The following HPR variants were observed in gnomAD, a reference collection of about 807,000 sequenced individuals.
HPR encodes the protein haptoglobin-related protein.
A neutral mutation model predicts 18.5 loss-of-function variants in HPR; 17 were observed. That is an observed-to-expected ratio of 0.92 (90% CI 0.63 to 1.38). The LOEUF (loss-of-function observed/expected upper bound fraction) is 1.38. Ranked by LOEUF, HPR falls within the 40% of genes most tolerant of loss-of-function variation. The pLI is 0.00. For synonymous variants in HPR, 176 were observed against 165.0 expected (o/e 1.07, Z -0.51); for missense variants, 457 against 432.4 (o/e 1.06, Z -0.51).
intron 4 of HPR, 146 bp downstream of exon 4, chr16:72,075,365 G>C (rs1173989965): frequency 1.5e-5 from 14 of 940,538 alleles, no homozygotes; most frequent in Admixed American, 1.1e-4. Context: ...GCCAGGGAGA[G>C]ACTTAAGCAG....
At chr16:72,074,661 G>A in intron 3 of HPR, 1 of 709,264 alleles carries the variant, frequency 1.4e-6, no homozygotes, top group Non-Finnish European at 2.6e-6. Context: ...CAGCAGATGT[G>A]GGAAAAGAAG....
intron 1 of HPR, among the ~76,000 whole-genome samples, chr16:72,069,662 T>A (rs1056208460): frequency 6.6e-5 from 10 of 152,308 alleles, no homozygotes; most frequent in African/African-American, 2.4e-4. Flanking sequence ...TATGGATGTA[T>A]AAGAATTTAC....
chr16:72,070,579 C>G (rs1421700170), intron 1 of HPR, among the ~76,000 whole-genome samples: 1 of 152,188 alleles, frequency 6.6e-6, no homozygotes, highest in Admixed American at 6.5e-5. Flanking sequence ...CCAGGGCTCA[C>G]CCCAACCAAA....
At position 72,074,371 on chromosome 16, in the gene HPR, G is replaced by A. The variant is rs182745400; in HGVS notation, c.179G>A (p.Arg60His). ...RYQCKNYYRL[R>H]TEGDGVYTLN... is the part of the protein sequence containing the mutation. ...CAGTGTAAGAACTACTACAGACTGC[G>A]CACAGAAGGAGATGGTAAGACCTGG... Residue 60 changes from arginine to histidine, a missense_variant, in exon 3 of 5, where the codon CGC becomes CAC. Transcript: ENST00000540303. 61 of 1,612,180 alleles carry A rather than the reference G, an allele frequency of 3.8e-5. No individual in the cohort carries two copies. Among genetic ancestry groups the A allele is most frequent in the African/African-American group, 2.0e-4 (15 of 75,000 alleles).
chr16:72,064,477 T>G (rs1198931294), intron 1 of HPR, among the ~76,000 whole-genome samples: 4 of 152,064 alleles, frequency 2.6e-5, no homozygotes, highest in African/African-American at 9.7e-5. Context: ...CAATAGCCTC[T>G]CCCACCAAAA....
intron 1 of HPR, among the ~76,000 whole-genome samples, chr16:72,071,159 ACT>A (rs1463493291): frequency 2.0e-5 from 3 of 152,064 alleles, no homozygotes; most frequent in Non-Finnish European, 4.4e-5. Flanking sequence ...GGAATCTAAC[ACT>A]CTCTCCAAGT....
intron 3 of HPR, chr16:72,074,869 C>T: frequency 1.5e-6 from 1 of 657,398 alleles, no homozygotes; most frequent in South Asian, 1.9e-5. Flanking sequence ...CTGTAAGAGG[C>T]AGAGTCAGGA....
chr16:72,067,666 C>A (rs2041612310), intron 1 of HPR, among the ~76,000 whole-genome samples: 1 of 152,168 alleles, frequency 6.6e-6, no homozygotes, highest in Non-Finnish European at 1.5e-5. Context: ...GAGGAGGAAG[C>A]AATTCCCCAT....
At chr16:72,072,095 G>T (rs2041663386) in intron 1 of HPR, among the ~76,000 whole-genome samples, 1 of 151,516 alleles carries the variant, frequency 6.6e-6, no homozygotes, top group East Asian at 1.9e-4. Flanking sequence ...CACAACTTCT[G>T]CCTCCTGGGT....
intron 1 of HPR, among the ~76,000 whole-genome samples, chr16:72,066,949 T>C (rs1486429935): frequency 2.6e-5 from 4 of 152,070 alleles, no homozygotes; most frequent in Admixed American, 6.6e-5. Context: ...CCAAACCCAG[T>C]TTAGAGAAAC....
intron 4 of HPR, among the ~76,000 whole-genome samples, chr16:72,075,752 C>T (rs779716661): frequency 3.3e-5 from 5 of 152,170 alleles, no homozygotes; most frequent in Non-Finnish European, 7.3e-5. Context: ...GTATGAGCTC[C>T]AGCCAATGCT....
intron 1 of HPR, 140 bp downstream of exon 1, chr16:72,063,400 G>A (rs2041563142): frequency 9.6e-7 from 1 of 1,039,688 alleles, no homozygotes; most frequent in Non-Finnish European, 1.4e-6. Flanking sequence ...GGCTTAGTGT[G>A]TTAAATCTTC....
intron 1 of HPR, among the ~76,000 whole-genome samples, chr16:72,071,871 T>G (rs1280976350): frequency 6.6e-6 from 1 of 152,180 alleles, no homozygotes; most frequent in Non-Finnish European, 1.5e-5. Flanking sequence ...TTATATAGAT[T>G]CCACTGGAGT....
intron 1 of HPR, among the ~76,000 whole-genome samples, chr16:72,063,676 T>C (rs572507204): frequency 2.0e-5 from 3 of 152,340 alleles, no homozygotes; most frequent in Non-Finnish European, 4.4e-5. Flanking sequence ...GTACCTGGGA[T>C]ACATCTAATT....
chr16:72,073,813 T>C (rs1265876232), intron 1 of HPR, 79 bp from the exon 2 acceptor site: 5 of 1,607,462 alleles, frequency 3.1e-6, no homozygotes, highest in Non-Finnish European at 4.2e-6. Flanking sequence ...TGTGTGTACA[T>C]GCCTGTGTGT....
chr16:72,070,373 T>C (rs1370987054), intron 1 of HPR, among the ~76,000 whole-genome samples: 5 of 152,196 alleles, frequency 3.3e-5, no homozygotes, highest in African/African-American at 9.6e-5. Flanking sequence ...CGCTGGAGTT[T>C]CCAGCACATT....
Position 72,076,475 on chromosome 16 carries a change from C to A in HPR, c.441C>A (p.Phe147Leu), listed in dbSNP as rs1412183501. The A allele has an allele frequency of 6.2e-7, 1 of 1,614,176 alleles. No homozygotes were observed. The highest frequency in any genetic ancestry group is 2.2e-5 in the East Asian group (1 of 44,888). ...QWLLTTAKNL[F>L]LNHSENATAK... ...TGCTGACCACGGCTAAAAATCTCTT[C>A]CTGAACCATTCAGAAAATGCAACAG... The change falls in exon 5 of 5, where the codon TTC becomes TTA. Residue 147 changes from phenylalanine to leucine, a missense_variant. By Grantham distance (22) the Phe-to-Leu change is conservative. Transcript: ENST00000540303.
chr16:72,076,237 A>G, intron 4 of HPR, 66 bp from the exon 5 acceptor site: 3 of 1,595,738 alleles, frequency 1.9e-6, no homozygotes, highest in Non-Finnish European at 1.7e-6. Context: ...CAATGCTTTC[A>G]CCCCTTTCTC....
At chr16:72,075,464 G>T (rs977453101) in intron 4 of HPR, among the ~76,000 whole-genome samples, 2 of 152,252 alleles carry the variant, frequency 1.3e-5, no homozygotes, top group South Asian at 2.1e-4. Context: ...ATTGCCCACA[G>T]ATCAGGAGAG....
Sources: allele counts gnomAD v4.1 joint callset (sites outside exome capture counted in the v4.1 genomes callset), GRCh38; gene constraint gnomAD v4.1.1; transcripts MANE v1.5; gene names NCBI Gene and HGNC (gene_info 2026-07-23, HGNC 2026-07-21).